Variants in PKM observed in about 807,000 individuals in gnomAD.
PKM encodes the protein pyruvate kinase PKM.
In PKM, 18 loss-of-function variants were observed where a neutral mutation model predicts 49.8. That is an observed-to-expected ratio of 0.36 (90% confidence interval 0.25 to 0.54). The LOEUF is 0.54. Among genes scored for constraint, PKM ranks in the 20% least tolerant of loss-of-function variants. The pLI, the probability that PKM is intolerant of heterozygous loss-of-function variation, is 0.89. For missense variants in PKM, 508 were observed against 713.8 expected, an observed-to-expected ratio of 0.71 and a Z score of 3.28; for synonymous variants, 239 against 261.8, an observed-to-expected ratio of 0.91 and a Z score of 0.84.
intron 3 of PKM, among the ~76,000 whole-genome samples, chr15:72,213,511 G>GCCTCCACC (rs1406913783): frequency 6.6e-6 from 1 of 152,118 alleles, no homozygotes; most frequent in Non-Finnish European, 1.5e-5. Context: ...GCTCACTGTA[G>GCCTCCACC]CCTCCACCTC....
In PKM at chr15:72,203,370, G is replaced by A. The variant is rs1482274530; in HGVS notation, c.1141-750C>T. Reference sequence around the variant, plus strand: ...GGTGATGAAAGTCCAACTGCTTCAGGAGGTGCTGCCACTTCCCCTCCAATA... The same window carrying A: ...GGTGATGAAAGTCCAACTGCTTCAGAAGGTGCTGCCACTTCCCCTCCAATA... On this transcript the variant is annotated intron_variant, in intron 8 of 10. Transcript: ENST00000335181. The A allele has an allele frequency of 1.6e-5, 10 of 620,918 alleles. No individual in the cohort carries two copies. The Admixed American group carries it at 2.5e-4, about 16-fold the overall frequency. 38.5% of individuals were successfully genotyped at this position (620,918 alleles called of 1,614,324 possible). A position where few individuals can be genotyped will look rare whatever the true frequency, so the allele number is the denominator to read the frequency against.
Position 72,200,856 on chromosome 15 carries a change from C to T in PKM, c.1308-201G>A. ...CACAGCATGCTAGGTTACCATTTGC[C>T]CTCTACCCCCATTCCACAGGCCAAG... On this transcript the variant is annotated intron_variant, in intron 9 of 10. Transcript: ENST00000335181. This position sits in a 1 kb window ranked among gnomAD's most constrained non-coding sequence, Gnocchi z 4.6. The T allele has an allele frequency of 1.8e-6, 1 of 568,062 alleles. No homozygotes were observed. The highest frequency in any genetic ancestry group is 3.1e-6 in the Non-Finnish European group (1 of 318,578). 35.2% of individuals were successfully genotyped at this position (568,062 alleles called of 1,614,324 possible). A position where few individuals can be genotyped will look rare whatever the true frequency, so the allele number is the denominator to read the frequency against.
rs185463374 is a variant in PKM at position 72,217,896 on chromosome 15, C to A, written c.155-396G>T. 1.7e-3 allele frequency among the ~76,000 whole-genome samples: 260 copies of A among 152,296 alleles called. 2 individuals carry two copies. Among genetic ancestry groups the A allele is most frequent in the South Asian group, 4.6e-3 (22 of 4,824 alleles). On this transcript the variant is annotated intron_variant, in intron 2 of 10. Coordinates refer to ENST00000335181, the MANE Select transcript of PKM (RefSeq NM_002654.6). ...AAGGAAAACATCTTCTAAATTTTGC[C>A]TATAGCATAAAACCTAAACCATATG...
chr15:72,202,932 A>C lies in PKM; in HGVS notation c.1141-312T>G. On this transcript the variant is annotated intron_variant, in intron 8 of 10. Coordinates refer to ENST00000335181, the MANE Select transcript of PKM (RefSeq NM_002654.6). The surrounding 1 kb of genome is among the most constrained non-coding windows in gnomAD (Gnocchi z 4.5). ...AGACGAGAAGAGGCTCTGTGCCCAG[A>C]TGCCAGGTTGGGCCTGGCTGTCTTC... is the stretch of plus-strand genomic sequence containing the variant. 2 of 1,316,276 alleles carry C rather than the reference A, an allele frequency of 1.5e-6. No homozygotes were observed. The highest frequency in any genetic ancestry group is 4.6e-5 in the East Asian group (2 of 43,640). 81.5% of individuals were successfully genotyped at this position (1,316,276 alleles called of 1,614,324 possible).
intron 1 of PKM, chr15:72,228,530 G>A (rs1193987274): frequency 1.4e-5 from 9 of 657,064 alleles, no homozygotes; most frequent in Non-Finnish European, 2.2e-5. Flanking sequence ...AAGGGGAGAA[G>A]GGACTTTTTA....
Position 72,210,485 on chromosome 15 carries a change from G to A in PKM, c.247-7C>T, listed in dbSNP as rs375304487. On this transcript the variant is annotated splice_polypyrimidine_tract_variant and splice_region_variant and intron_variant, in intron 3 of 10. Coordinates refer to ENST00000335181, the MANE Select transcript of PKM (RefSeq NM_002654.6). ...TGATGGTCTCCGCATGGTACTGGGG[G>A]AAAAGAAGGAAGATGACAAGCGTGC... The A allele has an allele frequency of 6.2e-7, 1 of 1,614,096 alleles. No individual in the cohort carries two copies. The highest frequency in any genetic ancestry group is 8.5e-7 in the Non-Finnish European group (1 of 1,179,996).
intron 3 of PKM, among the ~76,000 whole-genome samples, chr15:72,215,493 CA>C (rs562865283): frequency 1.8e-4 from 28 of 152,132 alleles, no homozygotes; most frequent in African/African-American, 6.7e-4. Flanking sequence ...AATGAACACA[CA>C]AGAGGGACAT....
chr15:72,219,564 A>T (rs2140753263), intron 1 of PKM: 1 of 155,894 alleles, frequency 6.4e-6, no homozygotes, highest in African/African-American at 2.4e-5. Context: ...CTGCATGTCA[A>T]GCTGTCACAA....
At position 72,208,614 on chromosome 15, in the gene PKM, G is replaced by C; in HGVS notation, c.836+7C>G. On this transcript the variant is annotated splice_region_variant and intron_variant, in intron 6 of 10. Coordinates refer to ENST00000335181, the MANE Select transcript of PKM (RefSeq NM_002654.6). The stretch of plus-strand genomic sequence containing the variant: ...CTGGGACTGGAGCAGGGACAACGGG[G>C]ACTTGCCTCCGAACCCCCTCATGAT... 1 of 1,614,016 alleles carries C rather than the reference G, an allele frequency of 6.2e-7. No homozygotes were observed. The highest frequency in any genetic ancestry group is 8.5e-7 in the Non-Finnish European group (1 of 1,179,944).
chr15:72,227,959 A>C (rs2082728415), intron 1 of PKM, among the ~76,000 whole-genome samples: 1 of 152,196 alleles, frequency 6.6e-6, no homozygotes, highest in Admixed American at 6.5e-5. Context: ...GTGTCACAAC[A>C]TTCAAGGCAC....
chr15:72,219,196 A>G (rs952062851), intron 1 of PKM, 86 bp from the exon 2 acceptor site: 1 of 1,235,540 alleles, frequency 8.1e-7, no homozygotes, highest in Non-Finnish European at 1.2e-6. Flanking sequence ...TCCTGCTTAC[A>G]CATTAACTCA....
chr15:72,203,073 G>A (rs1427266992), intron 8 of PKM: 1 of 1,614,084 alleles, frequency 6.2e-7, no homozygotes, highest in Non-Finnish European at 8.5e-7. Flanking sequence ...CTTATAAGAA[G>A]CCTCCACGCT....
chr15:72,228,778 C>G, intron 1 of PKM: 1 of 405,302 alleles, frequency 2.5e-6, no homozygotes, highest in Middle Eastern at 3.8e-4. Context: ...TCCTGACCTC[C>G]ATCTCCTCTG....
At chr15:72,212,506 A>G (rs1237377815) in intron 3 of PKM, among the ~76,000 whole-genome samples, 2 of 151,918 alleles carry the variant, frequency 1.3e-5, no homozygotes, top group Non-Finnish European at 2.9e-5. Context: ...AAAGAATAGT[A>G]ATAGTTGTTT....
intron 1 of PKM, chr15:72,221,252 C>T (rs1440959487): frequency 7.2e-6 from 11 of 1,535,186 alleles, no homozygotes; most frequent in South Asian, 3.6e-5. Context: ...TAGCAAAGAC[C>T]GCTCAGAGCT....
intron 8 of PKM, among the ~76,000 whole-genome samples, chr15:72,204,883 A>AG (rs1019080148): frequency 6.6e-6 from 1 of 152,138 alleles, no homozygotes; most frequent in African/African-American, 2.4e-5. Flanking sequence ...AATTAGAGAG[A>AG]GGGGATGTGT....
chr15:72,218,757 G>A (rs2082440489), intron 2 of PKM, among the ~76,000 whole-genome samples, 187 bp downstream of exon 2: 1 of 152,090 alleles, frequency 6.6e-6, no homozygotes, highest in Non-Finnish European at 1.5e-5. Context: ...CTTATTAACT[G>A]TATTTGCCAT....
Position 72,199,472 on chromosome 15 carries a change from A to C in PKM, c.*178T>G. On this transcript the variant is annotated 3_prime_UTR_variant, in exon 11 of 11. Transcript: ENST00000335181. ...GGGCAGCCAGGCTCTGGGCTGTCCC[A>C]CTAGAGCAGGCTGCAAACACAGCCA... The C allele has an allele frequency of 1.4e-6, 1 of 702,490 alleles. No homozygotes were observed. Among genetic ancestry groups the C allele is most frequent in the African/African-American group, 1.7e-5 (1 of 57,266 alleles). 43.5% of individuals were successfully genotyped at this position (702,490 alleles called of 1,614,324 possible).
intron 2 of PKM, 118 bp from the exon 3 acceptor site, chr15:72,217,618 CA>C (rs2082408717): frequency 1.4e-6 from 1 of 712,238 alleles, no homozygotes; most frequent in Non-Finnish European, 2.5e-6. Flanking sequence ...CCAAATAGCT[CA>C]AAAGTCTTTA....
Sources: allele counts gnomAD v4.1 joint callset (sites outside exome capture counted in the v4.1 genomes callset), GRCh38; gene constraint gnomAD v4.1.1; non-coding constraint Gnocchi (gnomAD v3.1); transcripts MANE v1.5; gene names NCBI Gene and HGNC (gene_info 2026-07-23, HGNC 2026-07-21).